AGBL1: variants seen among roughly 807,000 people sequenced by gnomAD.
The protein encoded by AGBL1 is cytosolic carboxypeptidase 4.
A neutral mutation model predicts 118.9 loss-of-function variants in AGBL1; 130 were observed. The ratio of observed to expected loss-of-function variants is 1.09; its 90% CI spans 0.95 to 1.26. The LOEUF is 1.26. AGBL1 is among the 50% of genes most tolerant of loss of function. AGBL1 has a pLI of 0.00. For missense variants in AGBL1, 1,584 were observed against 1,298.1 expected (o/e 1.22, Z -3.38); for synonymous variants, 555 against 478.9 (o/e 1.16, Z -2.08).
At chr15:86,287,518 T>C (rs1238048091) in intron 16 of AGBL1, among the ~76,000 whole-genome samples, 1 of 152,178 alleles carries the variant, frequency 6.6e-6, no homozygotes, top group African/African-American at 2.4e-5. Context: ...CCATTTTGAG[T>C]TGATTCTTAT....
chr15:87,010,231 C>G (rs534431440), intron 24 of AGBL1, among the ~76,000 whole-genome samples: 4 of 152,254 alleles, frequency 2.6e-5, no homozygotes, highest in South Asian at 4.1e-4. Flanking sequence ...GTGAATAAGT[C>G]TCATGAGACC....
rs142221008 is a variant in AGBL1 at position 86,320,245 on chromosome 15, T to G, written c.2374+24837T>G. On this transcript the variant is annotated intron_variant, in intron 17 of 22. Transcript: ENST00000614907. ...TATCTAATGCTCCTCTCCAAGGTTT[T>G]GAGAACATGTTATTTCACCATTAAG... is the stretch of plus-strand genomic sequence containing the variant. 5.8e-3 allele frequency among the ~76,000 whole-genome samples: 886 copies of G among 152,306 alleles called. 15 individuals carry two copies. The highest frequency in any genetic ancestry group is 8.1e-3 in the South Asian group (39 of 4,820).
At chr15:87,007,521 C>G (rs535682459) in intron 24 of AGBL1, among the ~76,000 whole-genome samples, 2 of 152,128 alleles carry the variant, frequency 1.3e-5, no homozygotes, top group Admixed American at 1.3e-4. Flanking sequence ...TTTCTTGATA[C>G]AAATATATTG....
At position 86,859,947 on chromosome 15, in the gene AGBL1, G is replaced by A. The variant is rs942811912; in HGVS notation, c.3159-47140G>A. On this transcript the variant is annotated intron_variant, in intron 22 of 22. Transcript: ENST00000614907. The stretch of plus-strand genomic sequence containing the variant: ...GTGAGATGATGAGACTTCCCACTGA[G>A]GATTGTTAGCCAGAGGATTAAATCT... 4.6e-5 allele frequency among the ~76,000 whole-genome samples: 7 copies of A among 152,194 alleles called. No individual in the cohort carries two copies. In the East Asian group the frequency reaches 7.7e-4, roughly 17 times the overall value.
chr15:86,829,018 G>A (rs1307771506), intron 22 of AGBL1, among the ~76,000 whole-genome samples: 1 of 149,412 alleles, frequency 6.7e-6, no homozygotes, highest in Non-Finnish European at 1.5e-5. Context: ...TCCTTAAATT[G>A]ATGACATGAT....
At chr15:86,689,770 T>C (rs2086130631) in intron 22 of AGBL1, among the ~76,000 whole-genome samples, 2 of 152,250 alleles carry the variant, frequency 1.3e-5, no homozygotes, top group East Asian at 1.9e-4. Context: ...ATTAGGATAA[T>C]ATAATTGATA....
intron 22 of AGBL1, among the ~76,000 whole-genome samples, chr15:86,675,885 G>A (rs555660200): frequency 9.2e-5 from 14 of 152,234 alleles, no homozygotes; most frequent in Admixed American, 3.3e-4. Context: ...ATCCAATTCA[G>A]TGAGGATTAG....
intron 5 of AGBL1, among the ~76,000 whole-genome samples, chr15:86,219,065 T>C (rs1306747220): frequency 6.6e-6 from 1 of 152,252 alleles, no homozygotes; most frequent in African/African-American, 2.4e-5. Flanking sequence ...AGGCCATCTG[T>C]GCCACAGAAT....
At chr15:86,581,532 A>G (rs930649941) in intron 21 of AGBL1, among the ~76,000 whole-genome samples, 3 of 152,196 alleles carry the variant, frequency 2.0e-5, no homozygotes, top group Admixed American at 6.5e-5. Context: ...TTGACTTCCA[A>G]ATTGGATCAT....
At chr15:86,562,172 T>A (rs751837371) in intron 21 of AGBL1, among the ~76,000 whole-genome samples, 13 of 152,172 alleles carry the variant, frequency 8.5e-5, no homozygotes, top group Non-Finnish European at 1.8e-4. Flanking sequence ...ATTGCCCTGG[T>A]CAGAACTTCC....
At chr15:86,674,236 A>T in intron 21 of AGBL1, 37 bp from the exon 22 acceptor site, 1 of 1,575,480 alleles carries the variant, frequency 6.3e-7, no homozygotes. Flanking sequence ...AGCTCCCATT[A>T]TACGTTGCCA....
At chr15:86,881,246 A>G (rs1285316335) in intron 22 of AGBL1, among the ~76,000 whole-genome samples, 2 of 152,208 alleles carry the variant, frequency 1.3e-5, no homozygotes, top group East Asian at 1.9e-4. Flanking sequence ...AATAAAGTCT[A>G]TAGAAATCTG....
rs1397465413 is a variant in AGBL1, at chr15:86,397,668, T to C, written c.2555+122T>C. 5 of 889,208 alleles carry C rather than the reference T, an allele frequency of 5.6e-6. No homozygotes were observed. The African/African-American group carries it at 6.7e-5, about 12-fold the overall frequency. 55.1% of individuals were successfully genotyped at this position (889,208 alleles called of 1,614,324 possible). A position where few individuals can be genotyped will look rare whatever the true frequency, so the allele number is the denominator to read the frequency against. On this transcript the variant is annotated intron_variant, in intron 18 of 22. Transcript: ENST00000614907. Reference sequence around the variant, plus strand: ...TCTGTCGAGAATAAACTCTTGGTTTTCTGTTTTCTGCTACAAATAACAACA... The same window carrying C: ...TCTGTCGAGAATAAACTCTTGGTTTCCTGTTTTCTGCTACAAATAACAACA...
chr15:86,434,674 T>C (rs983329684), intron 18 of AGBL1, among the ~76,000 whole-genome samples: 1 of 152,176 alleles, frequency 6.6e-6, no homozygotes, highest in African/African-American at 2.4e-5. Flanking sequence ...AATCCATTAG[T>C]CGGTCCCCTC....
chr15:86,843,348 T>C (rs78438890), intron 22 of AGBL1, among the ~76,000 whole-genome samples: 2 of 151,936 alleles, frequency 1.3e-5, no homozygotes, highest in African/African-American at 4.8e-5. Flanking sequence ...TTTTTTTTTT[T>C]CTTTTTTAAA....
At chr15:86,992,535 A>G (rs551383692) in intron 24 of AGBL1, among the ~76,000 whole-genome samples, 1 of 152,096 alleles carries the variant, frequency 6.6e-6, no homozygotes, top group Non-Finnish European at 1.5e-5. Flanking sequence ...ATTTGCTGGA[A>G]CCAGAATCCC....
At chr15:86,992,629 A>G (rs2081345623) in intron 24 of AGBL1, among the ~76,000 whole-genome samples, 1 of 152,068 alleles carries the variant, frequency 6.6e-6, no homozygotes, top group South Asian at 2.1e-4. Flanking sequence ...CACCGCCATA[A>G]ATGGACAGAT....
chr15:86,450,386 G>A (rs941772344), intron 18 of AGBL1, among the ~76,000 whole-genome samples: 1 of 152,102 alleles, frequency 6.6e-6, no homozygotes, highest in Non-Finnish European at 1.5e-5. Context: ...TCCCTGGCTG[G>A]GTCGGATGTA....
At chr15:86,881,326 A>C (rs2079888760) in intron 22 of AGBL1, among the ~76,000 whole-genome samples, 2 of 152,164 alleles carry the variant, frequency 1.3e-5, no homozygotes, top group African/African-American at 4.8e-5. Context: ...AGTGTCTTTT[A>C]CTGCAAACCT....
Sources: allele counts gnomAD v4.1 joint callset (sites outside exome capture counted in the v4.1 genomes callset), GRCh38; gene constraint gnomAD v4.1.1; transcripts MANE v1.5; gene names NCBI Gene and HGNC (gene_info 2026-07-23, HGNC 2026-07-21).